The following PDE8B variants were observed in gnomAD, a reference collection of about 807,000 sequenced individuals.
The protein encoded by PDE8B is high affinity cAMP-specific and IBMX-insensitive 3',5'-cyclic phosphodiesterase 8B.
A neutral mutation model predicts 101.3 loss-of-function variants in PDE8B; 26 were observed. The observed-to-expected ratio is 0.26, with a 90% confidence interval of 0.19 to 0.36. PDE8B has a LOEUF of 0.36. PDE8B is among the 10% of genes least tolerant of loss of function. The pLI is 1.00. For missense variants in PDE8B, 810 were observed against 1,163.1 expected, an observed-to-expected ratio of 0.70 and a Z score of 4.42; for synonymous variants, 424 against 429.3, an observed-to-expected ratio of 0.99 and a Z score of 0.15.
chr5:77,176,806 T>G, the PDE8B span, among the ~76,000 whole-genome samples: 1 of 152,180 alleles, frequency 6.6e-6, no homozygotes, highest in Non-Finnish European at 1.5e-5. Context: ...GAGATGATGC[T>G]TTATGGTTCA....
intron 20 of PDE8B, among the ~76,000 whole-genome samples, chr5:77,423,798 G>A (rs961434520): frequency 4.6e-5 from 7 of 151,474 alleles, no homozygotes; most frequent in Admixed American, 3.9e-4. Context: ...TGCCATGCCC[G>A]GCTAATTTTT....
intron 10 of PDE8B, among the ~76,000 whole-genome samples, chr5:77,385,265 G>T (rs1357224880): frequency 6.6e-6 from 1 of 152,122 alleles, no homozygotes; most frequent in African/African-American, 2.4e-5. Flanking sequence ...TTGCGTAGAG[G>T]TATTTATAAT....
chr5:77,241,174 A>C (rs1199552120), intron 1 of PDE8B, among the ~76,000 whole-genome samples: 1 of 152,214 alleles, frequency 6.6e-6, no homozygotes, highest in Non-Finnish European at 1.5e-5. Context: ...TGGTTGATAC[A>C]CTTACTGTCA....
intron 1 of PDE8B, among the ~76,000 whole-genome samples, chr5:77,234,339 A>G (rs1457500046): frequency 6.6e-6 from 1 of 152,044 alleles, no homozygotes; most frequent in East Asian, 1.9e-4. Context: ...GACTCCATCT[A>G]TGGCATTTTA....
intron 1 of PDE8B, among the ~76,000 whole-genome samples, chr5:77,270,129 G>A (rs1279458336): frequency 6.6e-6 from 1 of 152,096 alleles, no homozygotes; most frequent in Admixed American, 6.6e-5. Flanking sequence ...TCAATTCTTA[G>A]TATCCTCTTC....
chr5:77,206,648 C>T (rs1184564409), upstream of PDE8B, among the ~76,000 whole-genome samples: 4 of 152,078 alleles, frequency 2.6e-5, no homozygotes, highest in South Asian at 4.2e-4. Context: ...CCAGGATCCA[C>T]GTCGGGTAGG....
intron 17 of PDE8B, 148 bp downstream of exon 17, chr5:77,413,457 C>A: frequency 1.5e-6 from 1 of 672,594 alleles, no homozygotes; most frequent in Non-Finnish European, 2.6e-6. Context: ...TGACTAGTCA[C>A]TTTGGTGTTG....
At chr5:77,108,125 G>T in the PDE8B span, among the ~76,000 whole-genome samples, 1 of 152,178 alleles carries the variant, frequency 6.6e-6, no homozygotes, top group African/African-American at 2.4e-5. Flanking sequence ...TGAAGAAACA[G>T]AACCTCACTT....
rs532524335 is a variant in PDE8B, at chr5:77,408,788, A to G, written c.1366-105A>G. 356 of 909,578 alleles carry G rather than the reference A, an allele frequency of 3.9e-4. 2 individuals are homozygous for G. In the South Asian group the frequency reaches 4.5e-3, roughly 12 times the overall value. 56.3% of individuals were successfully genotyped at this position (909,578 alleles called of 1,614,324 possible). On this transcript the variant is annotated intron_variant, in intron 13 of 21. Transcript: ENST00000264917. ...CGTGAAAGCACTGGTCATTTTGAAT[A>G]AGAGATGGTTACCCACTGATTTCTT...
intron 1 of PDE8B, among the ~76,000 whole-genome samples, chr5:77,309,173 T>C (rs532204166): frequency 3.2e-5 from 4 of 125,354 alleles, no homozygotes; most frequent in Non-Finnish European, 6.2e-5. Context: ...AGTGAAACTC[T>C]GTCAGAAAGA....
the PDE8B span, among the ~76,000 whole-genome samples, chr5:77,185,543 G>A: frequency 6.6e-6 from 1 of 152,108 alleles, no homozygotes; most frequent in Non-Finnish European, 1.5e-5. Context: ...CTGAGGTACT[G>A]GGAGTTAGGA....
chr5:77,427,471 GC>G lies in PDE8B; in HGVS notation c.*920del, dbSNP rs938632491. The G allele has an allele frequency of 6.6e-6, 1 of 152,068 alleles. No individual in the cohort carries two copies. Among genetic ancestry groups the G allele is most frequent in the Non-Finnish European group, 1.5e-5 (1 of 68,006 alleles). 9.4% of individuals were successfully genotyped at this position (152,068 alleles called of 1,614,324 possible). On this transcript the variant is annotated 3_prime_UTR_variant, in exon 22 of 22. Coordinates refer to ENST00000264917, the MANE Select transcript of PDE8B (RefSeq NM_003719.5). ...TAAAATCCAAATTTTCTGGGTGTAA[GC>G]CCATGCAGTATGTTGTGCCATGCAC... is the stretch of plus-strand genomic sequence containing the variant.
the PDE8B span, among the ~76,000 whole-genome samples, chr5:77,161,370 G>GC: frequency 6.6e-6 from 1 of 151,986 alleles, no homozygotes; most frequent in Non-Finnish European, 1.5e-5. Context: ...CCTTTTTATC[G>GC]TTGTATAGTT....
chr5:77,369,184 C>T (rs757456463), intron 10 of PDE8B, among the ~76,000 whole-genome samples: 4 of 114,800 alleles, frequency 3.5e-5, no homozygotes, highest in Admixed American at 1.3e-4. Context: ...GCCTATGCGA[C>T]AGAGCGAGTC....
At chr5:77,239,915 A>T (rs1174712544) in intron 1 of PDE8B, among the ~76,000 whole-genome samples, 1 of 152,064 alleles carries the variant, frequency 6.6e-6, no homozygotes, top group African/African-American at 2.4e-5. Context: ...ACAATGTTTT[A>T]TAGGGGGTCC....
intron 2 of PDE8B, among the ~76,000 whole-genome samples, chr5:77,312,272 T>A (rs1217898745): frequency 6.6e-6 from 1 of 151,800 alleles, no homozygotes; most frequent in Non-Finnish European, 1.5e-5. Context: ...CCTGGCTAAT[T>A]TTTGTATTTT....
chr5:77,389,294 T>C (rs1789398862), intron 10 of PDE8B, among the ~76,000 whole-genome samples: 2 of 152,208 alleles, frequency 1.3e-5, no homozygotes, highest in South Asian at 2.1e-4. Flanking sequence ...CAGGGCACAG[T>C]CCCTCATGGC....
intron 10 of PDE8B, among the ~76,000 whole-genome samples, chr5:77,364,941 G>A (rs1783846186): frequency 1.3e-5 from 2 of 152,196 alleles, no homozygotes; most frequent in Non-Finnish European, 2.9e-5. Flanking sequence ...AAGAGTTTAA[G>A]TCTATTCGCA....
the PDE8B span, chr5:77,118,189 C>T: frequency 5.2e-6 from 2 of 383,122 alleles, no homozygotes; most frequent in Non-Finnish European, 9.2e-6. Context: ...TAAAGTGATC[C>T]TCCTGCCTCA....
Sources: allele counts gnomAD v4.1 joint callset (sites outside exome capture counted in the v4.1 genomes callset), GRCh38; gene constraint gnomAD v4.1.1; transcripts MANE v1.5; gene names NCBI Gene and HGNC (gene_info 2026-07-23, HGNC 2026-07-21).